C2CD2: variants seen among roughly 807,000 people sequenced by gnomAD.
The protein encoded by C2CD2 is C2 calcium dependent domain containing 2, also known as C2 domain-containing protein 2.
C2CD2 carries 43 observed loss-of-function variants against 74.3 expected under a neutral mutation model. The observed-to-expected ratio is 0.58, with a 90% CI of 0.45 to 0.75. The LOEUF (loss-of-function observed/expected upper bound fraction) is 0.75. C2CD2 is among the 30% of genes least tolerant of loss of function. The probability of loss-of-function intolerance (pLI) is 0.00; values close to 1 mark genes in which losing one functional copy is unlikely to be tolerated. For synonymous variants in C2CD2, 422 were observed against 390.7 expected (o/e 1.08, Z -0.94); for missense variants, 801 against 916.3 (o/e 0.87, Z 1.63).
intron 5 of C2CD2, among the ~76,000 whole-genome samples, chr21:41,916,818 C>A (rs556959618): frequency 6.6e-6 from 1 of 152,108 alleles, no homozygotes; most frequent in Non-Finnish European, 1.5e-5. Flanking sequence ...AAGTTATGAT[C>A]GTCTGGGTCC....
At chr21:41,947,852 C>T (rs942819077) in intron 1 of C2CD2, among the ~76,000 whole-genome samples, 8 of 152,178 alleles carry the variant, frequency 5.3e-5, no homozygotes, top group African/African-American at 1.4e-4. Context: ...AAAGCAAACC[C>T]GCAACCAGCT....
chr21:41,897,287 G>A (rs1035699802), intron 13 of C2CD2, among the ~76,000 whole-genome samples: 11 of 152,182 alleles, frequency 7.2e-5, no homozygotes, highest in Admixed American at 2.6e-4. Flanking sequence ...TGAGGAGGGC[G>A]GACGGGGGGT....
rs1218829089 is a variant in C2CD2 at position 41,945,248 on chromosome 21, G to C, written c.280-3003C>G. Among the ~76,000 whole-genome samples, 1 of 152,164 alleles carries C rather than the reference G, an allele frequency of 6.6e-6. No homozygotes were observed. The highest frequency in any genetic ancestry group is 2.4e-5 in the African/African-American group (1 of 41,418). On this transcript the variant is annotated intron_variant, in intron 1 of 13. Coordinates refer to ENST00000380486, the MANE Select transcript of C2CD2 (RefSeq NM_015500.2). This position sits in a 1 kb window ranked among gnomAD's most constrained non-coding sequence, Gnocchi z 4.2. ...TACAGGATACAATCACGGTTTTTCA[G>C]ATAAACACAGAGAGAAATACACAGA...
chr21:41,942,232 A>G lies in C2CD2; in HGVS notation c.293T>C (p.Leu98Pro), dbSNP rs760317881. 7 of 1,549,720 alleles carry G rather than the reference A, an allele frequency of 4.5e-6. No individual in the cohort carries two copies. In the South Asian group the frequency reaches 7.1e-5, roughly 16 times the overall value. The change falls in exon 2 of 14, where the codon CTG (leucine) becomes CCG (proline). Residue 98 changes from leucine (L) to proline (P), a missense_variant. Physicochemically the swap from Leu to Pro is moderately conservative, Grantham distance 98. Transcript: ENST00000380486. ...CTGCCGCGGGTCCTCCTCAAAGGACAGGAAAGGTGGGCCCTGGAACAGAGG... is the reference window on the plus strand; with the variant it reads ...CTGCCGCGGGTCCTCCTCAAAGGACGGGAAAGGTGGGCCCTGGAACAGAGG... ...EAERKGGPPF[L>P]SFEEDPRQQA...
At chr21:41,909,084 C>T (rs938207211) in intron 8 of C2CD2, among the ~76,000 whole-genome samples, 7 of 152,050 alleles carry the variant, frequency 4.6e-5, no homozygotes, top group African/African-American at 1.4e-4. Flanking sequence ...ATGGTTAAGA[C>T]GATACATTTT....
intron 11 of C2CD2, among the ~76,000 whole-genome samples, chr21:41,905,363 G>T (rs1055644694): frequency 1.4e-5 from 2 of 142,796 alleles, no homozygotes; most frequent in African/African-American, 5.4e-5. Context: ...TGTCACCCAG[G>T]TTGGAGTGCA....
intron 13 of C2CD2, among the ~76,000 whole-genome samples, chr21:41,896,558 T>TA (rs2064824485): frequency 6.6e-6 from 1 of 152,032 alleles, no homozygotes. Flanking sequence ...TTTTTTAAAC[T>TA]AAAAGTAAAT....
chr21:41,926,745 G>A lies in C2CD2; in HGVS notation c.379-4660C>T. On this transcript the variant is annotated intron_variant, in intron 2 of 13. Transcript: ENST00000380486. The surrounding 1 kb of genome is among the most constrained non-coding windows in gnomAD (Gnocchi z 8.0). ...TTTCAATTAAGCTTCCTGTACAGCT[G>A]CCTCGGCTCCTTCTCTTAGAACACT... 1 of 353,584 alleles carries A rather than the reference G, an allele frequency of 2.8e-6. No individual in the cohort carries two copies. The highest frequency in any genetic ancestry group is 4.0e-6 in the Non-Finnish European group (1 of 252,404). The allele number at this position is 353,584 out of a possible 1,614,324, so 21.9% of individuals were successfully genotyped here. A position where few individuals can be genotyped will look rare whatever the true frequency, so the allele number is the denominator to read the frequency against.
rs2064958400 is a variant in C2CD2, at chr21:41,905,998, G to A, written c.1319-161C>T. 1.3e-5 allele frequency among the ~76,000 whole-genome samples: 2 copies of A among 152,216 alleles called. 1 individual carries two copies. The highest frequency in any genetic ancestry group is 4.1e-4 in the South Asian group (2 of 4,830). ...TTTGAGGGGAGGAGGGGCAAGAGTGGTGTCTGGAGTCCAGGTTGAAATAAA... is the reference window on the plus strand; with the variant it reads ...TTTGAGGGGAGGAGGGGCAAGAGTGATGTCTGGAGTCCAGGTTGAAATAAA... On this transcript the variant is annotated intron_variant, in intron 10 of 13. Transcript: ENST00000380486.
chr21:41,948,710 T>C (rs977503293), intron 1 of C2CD2, among the ~76,000 whole-genome samples: 2 of 152,008 alleles, frequency 1.3e-5, no homozygotes, highest in Non-Finnish European at 2.9e-5. Flanking sequence ...CCACAGCCAC[T>C]GTCATTGGTC....
At chr21:41,920,618 T>C (rs1258457258) in intron 3 of C2CD2, among the ~76,000 whole-genome samples, 2 of 152,344 alleles carry the variant, frequency 1.3e-5, no homozygotes, top group African/African-American at 4.8e-5. Context: ...GCATCTCTGG[T>C]TGGAGGAACA....
intron 1 of C2CD2, among the ~76,000 whole-genome samples, chr21:41,946,735 C>T (rs754240686): frequency 6.6e-6 from 1 of 152,162 alleles, no homozygotes; most frequent in Non-Finnish European, 1.5e-5. Context: ...TTAACCAAGG[C>T]ACCAAGCTCA....
chr21:41,907,521 C>G (rs774375226), intron 9 of C2CD2, 139 bp downstream of exon 9: 6 of 918,064 alleles, frequency 6.5e-6, no homozygotes, highest in Admixed American at 2.9e-5. Context: ...GTCCTGCGTA[C>G]GATGAAACAG....
intron 2 of C2CD2, among the ~76,000 whole-genome samples, chr21:41,938,292 T>C (rs984054601): frequency 6.6e-6 from 1 of 152,078 alleles, no homozygotes; most frequent in African/African-American, 2.4e-5. Context: ...TGACAAATCA[T>C]AGCTCAGGTA....
chr21:41,926,553 A>G lies in C2CD2; in HGVS notation c.379-4468T>C, dbSNP rs2065215535. The stretch of plus-strand genomic sequence containing the variant: ...TGCTCTCTCCAGCCTCAACACCTTG[A>G]CCTCATGTAGTCACATACCTATGCA... On this transcript the variant is annotated intron_variant, in intron 2 of 13. Transcript: ENST00000380486. This position sits in a 1 kb window ranked among gnomAD's most constrained non-coding sequence, Gnocchi z 8.0. 1.2e-6 allele frequency: 1 copy of G among 824,836 alleles called. No individual in the cohort carries two copies. Among genetic ancestry groups the G allele is most frequent in the African/African-American group, 1.8e-5 (1 of 54,090 alleles). 51.1% of individuals were successfully genotyped at this position (824,836 alleles called of 1,614,324 possible).
At chr21:41,897,008 C>T (rs1188076642) in intron 13 of C2CD2, among the ~76,000 whole-genome samples, 3 of 152,202 alleles carry the variant, frequency 2.0e-5, no homozygotes, top group Non-Finnish European at 2.9e-5. Context: ...TCCCAAATGC[C>T]GAGCCTCCGG....
intron 9 of C2CD2, 86 bp downstream of exon 9, chr21:41,907,574 G>T: frequency 7.1e-7 from 1 of 1,418,148 alleles, no homozygotes; most frequent in Non-Finnish European, 9.6e-7. Context: ...AGAGGCAGGA[G>T]TGAGACTCTG....
At chr21:41,891,673 G>A (rs1349685985) in intron 13 of C2CD2, among the ~76,000 whole-genome samples, 1 of 152,168 alleles carries the variant, frequency 6.6e-6, no homozygotes, top group African/African-American at 2.4e-5. Context: ...GCCCTGAAGG[G>A]CCTATGGACA....
intron 7 of C2CD2, among the ~76,000 whole-genome samples, chr21:41,911,411 A>G (rs2065024521): frequency 8.1e-6 from 1 of 122,934 alleles, no homozygotes; most frequent in African/African-American, 3.2e-5. Context: ...TTTTTTTGAG[A>G]TGGAGTCTCA....
Sources: gnomAD v4.1 joint callset for allele counts (sites outside exome capture counted in the v4.1 genomes callset) on GRCh38, gnomAD v4.1.1 for gene constraint, Gnocchi (gnomAD v3.1) non-coding constraint, MANE v1.5 for transcripts, NCBI Gene and HGNC (gene_info 2026-07-23, HGNC 2026-07-21) for gene names.